Variants in ALDH1L1 observed in about 807,000 individuals in gnomAD.
ALDH1L1 encodes the protein aldehyde dehydrogenase 1 family member L1.
Under a neutral mutation model 101.1 loss-of-function variants are expected in ALDH1L1, and 68 were observed. That is an observed-to-expected ratio of 0.67 (90% CI 0.55 to 0.82). The LOEUF is 0.82. ALDH1L1 is among the 40% of genes least tolerant of loss of function. ALDH1L1 has a pLI of 0.00. For missense variants in ALDH1L1, 1,087 were observed against 1,172.7 expected, an observed-to-expected ratio of 0.93 and a Z score of 1.07; for synonymous variants, 486 against 470.8, an observed-to-expected ratio of 1.03 and a Z score of -0.42.
intron 9 of ALDH1L1, among the ~76,000 whole-genome samples, chr3:126,146,332 C>T (rs1017743488): frequency 2.0e-5 from 3 of 152,148 alleles, no homozygotes; most frequent in African/African-American, 4.8e-5. Flanking sequence ...ACCACAGGAC[C>T]AGCCAGCCCC....
chr3:126,170,985 C>A (rs2081262520), intron 1 of ALDH1L1, among the ~76,000 whole-genome samples: 1 of 152,120 alleles, frequency 6.6e-6, no homozygotes, highest in Non-Finnish European at 1.5e-5. Flanking sequence ...CCTTCAGGGG[C>A]ACTAAGACAG....
intron 19 of ALDH1L1, among the ~76,000 whole-genome samples, chr3:126,111,322 A>T (rs1486421766): frequency 1.3e-5 from 2 of 152,216 alleles, no homozygotes; most frequent in African/African-American, 4.8e-5. Context: ...CACTCTTAGG[A>T]GTCTTTCCAC....
intron 1 of ALDH1L1, among the ~76,000 whole-genome samples, chr3:126,164,916 C>T (rs2081136166): frequency 6.6e-6 from 1 of 152,132 alleles, no homozygotes; most frequent in African/African-American, 2.4e-5. Flanking sequence ...GCCATTCTGA[C>T]CAGTGTAAGA....
intron 8 of ALDH1L1, among the ~76,000 whole-genome samples, chr3:126,148,147 AG>A (rs1377547657): frequency 6.6e-6 from 1 of 152,192 alleles, no homozygotes; most frequent in Non-Finnish European, 1.5e-5. Context: ...GGAGCCACAA[AG>A]GGGCAGTGCG....
At chr3:126,167,978 A>G (rs999284128) in intron 1 of ALDH1L1, among the ~76,000 whole-genome samples, 6 of 152,204 alleles carry the variant, frequency 3.9e-5, no homozygotes, top group Admixed American at 3.3e-4. Flanking sequence ...AGTTATCATT[A>G]TAACATGTAA....
chr3:126,118,286 TA>T (rs983919580), intron 16 of ALDH1L1, among the ~76,000 whole-genome samples, 188 bp from the exon 17 acceptor site: 3 of 152,132 alleles, frequency 2.0e-5, no homozygotes, highest in African/African-American at 7.2e-5. Flanking sequence ...CTGTGTCCCC[TA>T]AAATTCAAAT....
At chr3:126,167,949 A>C (rs1413638194) in intron 1 of ALDH1L1, among the ~76,000 whole-genome samples, 1 of 152,222 alleles carries the variant, frequency 6.6e-6, no homozygotes, top group Non-Finnish European at 1.5e-5. Flanking sequence ...ATTTTACCTT[A>C]AAGTTAAAAA....
chr3:126,185,566 GTAAGAATGA>G (rs1375423931), upstream of ALDH1L1, among the ~76,000 whole-genome samples: 4 of 148,526 alleles, frequency 2.7e-5, no homozygotes, highest in African/African-American at 1.1e-4. Flanking sequence ...TGGAGAGAAT[GTAAGAATGA>G]TGCATTGGTG....
chr3:126,158,650 G>C lies in ALDH1L1; in HGVS notation c.128-11C>G. On this transcript the variant is annotated splice_polypyrimidine_tract_variant and intron_variant, in intron 2 of 22. Transcript: ENST00000393434. The stretch of plus-strand genomic sequence containing the variant: ...TCTCAGCTTCCAGACCTGTGGGACG[G>C]TGGATAAGAAACTGGCCCCTCTCCA... The C allele has an allele frequency of 6.2e-7, 1 of 1,605,832 alleles. No homozygotes were observed. The highest frequency in any genetic ancestry group is 8.5e-7 in the Non-Finnish European group (1 of 1,173,068).
upstream of ALDH1L1, among the ~76,000 whole-genome samples, chr3:126,182,657 A>G (rs191101117): frequency 1.5e-3 from 232 of 152,218 alleles, 1 homozygote; most frequent in Middle Eastern, 3.4e-3. Context: ...TGAACTTGGG[A>G]GTTAAAATTG....
At chr3:126,134,808 A>G (rs1405456567) in intron 12 of ALDH1L1, among the ~76,000 whole-genome samples, 4 of 152,176 alleles carry the variant, frequency 2.6e-5, no homozygotes, top group Non-Finnish European at 5.9e-5. Context: ...CCCCAGCGAA[A>G]GAGCCAGGCC....
chr3:126,159,089 C>G (rs1238405204), intron 2 of ALDH1L1, among the ~76,000 whole-genome samples: 3 of 152,318 alleles, frequency 2.0e-5, no homozygotes, highest in South Asian at 4.1e-4. Context: ...CCTTTCTGTC[C>G]AGTGGGTTCC....
At chr3:126,110,267 G>A in intron 19 of ALDH1L1, 158 bp from the exon 20 acceptor site, 1 of 956,454 alleles carries the variant, frequency 1.0e-6, no homozygotes, top group South Asian at 1.7e-5. Flanking sequence ...CCACCTTCCA[G>A]GCTGAAATCC....
At position 126,131,518 on chromosome 3, in the gene ALDH1L1, C is replaced by T; in HGVS notation, c.1489G>A (p.Glu497Lys). 6.2e-7 allele frequency: 1 copy of T among 1,608,956 alleles called. No homozygotes were observed. The highest frequency in any genetic ancestry group is 8.5e-7 in the Non-Finnish European group (1 of 1,175,764). Residue 497 changes from glutamate to lysine, a missense_variant, in exon 13 of 23, where the codon GAG becomes AAG. Physicochemically the swap from Glu to Lys is moderately conservative, Grantham distance 56. Coordinates refer to ENST00000393434, the MANE Select transcript of ALDH1L1 (RefSeq NM_012190.4). Reference protein sequence around the residue: ...RLMYRLADLMEQHQEELATIE... With the variant: ...RLMYRLADLMKQHQEELATIE... ...GTGGCCAGCTCCTCCTGGTGCTGCTCCATGAGATCTGCCAACCTGACCAGG... is the reference window on the plus strand; with the variant it reads ...GTGGCCAGCTCCTCCTGGTGCTGCTTCATGAGATCTGCCAACCTGACCAGG...
chr3:126,167,821 G>A (rs1220072636), intron 1 of ALDH1L1, among the ~76,000 whole-genome samples: 1 of 152,030 alleles, frequency 6.6e-6, no homozygotes, highest in Non-Finnish European at 1.5e-5. Context: ...CTCACCTTGC[G>A]ATTTTACCCA....
upstream of ALDH1L1, among the ~76,000 whole-genome samples, chr3:126,185,475 G>A (rs1576510320): frequency 1.3e-5 from 2 of 152,354 alleles, no homozygotes; most frequent in Non-Finnish European, 2.9e-5. Context: ...GCGGGTCTGG[G>A]TACTTCAGGC....
At chr3:126,142,968 A>G (rs1198161934) in intron 9 of ALDH1L1, among the ~76,000 whole-genome samples, 1 of 152,242 alleles carries the variant, frequency 6.6e-6, no homozygotes, top group Non-Finnish European at 1.5e-5. Flanking sequence ...CCCATTATAA[A>G]TTGAAAATGT....
chr3:126,155,699 C>T, intron 4 of ALDH1L1, 196 bp from the exon 5 acceptor site: 1 of 511,674 alleles, frequency 2.0e-6, no homozygotes, highest in Non-Finnish European at 3.4e-6. Context: ...CGGACACAGA[C>T]CCGTCCTCTC....
At chr3:126,192,943 G>A (rs536540278) in intron 1 of ALDH1L1, among the ~76,000 whole-genome samples, 3 of 152,292 alleles carry the variant, frequency 2.0e-5, no homozygotes, top group African/African-American at 7.2e-5. Context: ...TACAGGAATC[G>A]GAGGTGAGGT....
Sources: gnomAD v4.1 joint callset for allele counts (sites outside exome capture counted in the v4.1 genomes callset) on GRCh38, gnomAD v4.1.1 for gene constraint, MANE v1.5 for transcripts, NCBI Gene and HGNC (gene_info 2026-07-23, HGNC 2026-07-21) for gene names.